Variants in ATP11A observed in about 807,000 individuals in gnomAD.
ATP11A encodes ATPase phospholipid transporting 11A.
Under a neutral mutation model 154.4 loss-of-function variants are expected in ATP11A, and 81 were observed. The observed-to-expected ratio is 0.52, with a 90% confidence interval of 0.44 to 0.63. The LOEUF is 0.63. Ranked by LOEUF, ATP11A falls within the 30% of genes least tolerant of loss-of-function variation. The pLI, the probability that ATP11A is intolerant of heterozygous loss-of-function variation, is 0.00. For missense variants in ATP11A, 1,316 were observed against 1,474.3 expected, an observed-to-expected ratio of 0.89 and a Z score of 1.76; for synonymous variants, 623 against 585.9, an observed-to-expected ratio of 1.06 and a Z score of -0.91.
chr13:112,716,126 G>T (rs1446449443), intron 1 of ATP11A, among the ~76,000 whole-genome samples: 2 of 152,140 alleles, frequency 1.3e-5, no homozygotes, highest in Admixed American at 6.5e-5. Context: ...TTCTGAGCCT[G>T]GTCCTCTGGC....
intron 1 of ATP11A, among the ~76,000 whole-genome samples, chr13:112,761,703 G>T (rs2076968322): frequency 6.6e-6 from 1 of 151,324 alleles, no homozygotes; most frequent in Admixed American, 6.6e-5. Flanking sequence ...TACTATCTCG[G>T]ATTCAGGAAT....
chr13:112,717,948 A>C (rs1056868926), intron 1 of ATP11A, among the ~76,000 whole-genome samples: 1 of 152,184 alleles, frequency 6.6e-6, no homozygotes, highest in Non-Finnish European at 1.5e-5. Flanking sequence ...GTGGTGGTGC[A>C]TGCCTGTAAT....
chr13:112,789,427 T>G (rs1050685007), intron 2 of ATP11A, among the ~76,000 whole-genome samples: 2 of 146,582 alleles, frequency 1.4e-5, no homozygotes, highest in African/African-American at 5.3e-5. Flanking sequence ...GGAGACCTAC[T>G]TAATTCACAC....
chr13:112,691,515 G>C (rs942106486), intron 1 of ATP11A, among the ~76,000 whole-genome samples: 6 of 145,110 alleles, frequency 4.1e-5, no homozygotes, highest in Non-Finnish European at 9.0e-5. Context: ...TGTAGGAGAG[G>C]AAGAAAACTG....
At position 112,716,100 on chromosome 13, in the gene ATP11A, C is replaced by T. The variant is rs377050552; in HGVS notation, c.39+25645C>T. ...TGGAGCTCATTCTCAGTGGAGTTCC[C>T]GGTGGCTGCTCCGTCTTCTGAGCCT... On this transcript the variant is annotated intron_variant, in intron 1 of 29. Coordinates refer to ENST00000375645, the MANE Select transcript of ATP11A (RefSeq NM_015205.3). Among the ~76,000 whole-genome samples the T allele has an allele frequency of 1.5e-4, 23 of 152,142 alleles. No homozygotes were observed. In the South Asian group the frequency reaches 2.5e-3, roughly 16 times the overall value.
chr13:112,775,026 G>T (rs1432225842), intron 1 of ATP11A, among the ~76,000 whole-genome samples: 1 of 152,284 alleles, frequency 6.6e-6, no homozygotes, highest in East Asian at 1.9e-4. Context: ...AGGCCAGCGG[G>T]CTGCAGCGTG....
Position 112,858,150 on chromosome 13 carries a change from A to G in ATP11A, c.2527A>G (p.Ile843Val), listed in dbSNP as rs545543949. 1.2e-6 allele frequency: 2 copies of G among 1,613,452 alleles called. No homozygotes were observed. Among genetic ancestry groups the G allele is most frequent in the African/African-American group, 1.3e-5 (1 of 75,054 alleles). ...CCTTCACCTCCGTCTTCTAGGTGTC[A>G]TCGGCAAGGAAGGCCGCCAGGCTGC... ...ILEAHVGIGV[I>V]GKEGRQAARN... The change falls in exon 22 of 30, where the codon ATC (isoleucine) becomes GTC (valine). Residue 843 changes from isoleucine (I) to valine (V), a missense_variant. This residue lies in a region of ATP11A where 876 missense variants were observed against 1,006.8 expected (regional missense o/e 0.87). Coordinates refer to ENST00000375645, the MANE Select transcript of ATP11A (RefSeq NM_015205.3).
chr13:112,696,595 T>G lies in ATP11A; in HGVS notation c.39+6140T>G, dbSNP rs1206375826. 1.3e-5 allele frequency among the ~76,000 whole-genome samples: 2 copies of G among 152,068 alleles called. No homozygotes were observed. The highest frequency in any genetic ancestry group is 4.8e-5 in the African/African-American group (2 of 41,434). ...ATTTCCCAGCGGTCACCGTGCTCAT[T>G]TTTGGCTTCCAGCTACCGTTTTTCT... On this transcript the variant is annotated intron_variant, in intron 1 of 29. Transcript: ENST00000375645. This position sits in a 1 kb window ranked among gnomAD's most constrained non-coding sequence, Gnocchi z 6.2.
chr13:112,823,092 C>T (rs1168198584), intron 8 of ATP11A, among the ~76,000 whole-genome samples: 7 of 152,208 alleles, frequency 4.6e-5, no homozygotes, highest in Non-Finnish European at 7.3e-5. Flanking sequence ...CCTGAGGTCC[C>T]GCATGCGCCA....
chr13:112,873,585 A>T lies in ATP11A; in HGVS notation c.3070A>T (p.Thr1024Ser). 1.2e-6 allele frequency: 2 copies of T among 1,603,972 alleles called. No homozygotes were observed. The highest frequency in any genetic ancestry group is 1.7e-6 in the Non-Finnish European group (2 of 1,177,274). ...TTTTTCCTTTTAGCTTGCATTGGAC[A>T]CACACTACTGGACTTGGATCAACCA... ...FTVTLKLALD[T>S]HYWTWINHFV... Residue 1024 changes from threonine (T) to serine (S), a missense_variant, in exon 27 of 30, where the codon ACA (threonine) becomes TCA (serine). Physicochemically the swap from Thr to Ser is moderately conservative, Grantham distance 58 (BLOSUM62 1). This residue lies in a region of ATP11A where 294 missense variants were observed against 290.2 expected (regional missense o/e 1.01). Transcript: ENST00000375645.
chr13:112,803,291 A>G (rs1405837222), intron 2 of ATP11A, among the ~76,000 whole-genome samples: 1 of 152,254 alleles, frequency 6.6e-6, no homozygotes, highest in Admixed American at 6.5e-5. Flanking sequence ...GGACCATACC[A>G]GGCTTTAGTT....
intron 17 of ATP11A, among the ~76,000 whole-genome samples, chr13:112,847,170 G>A (rs988097916): frequency 6.6e-6 from 1 of 152,190 alleles, no homozygotes; most frequent in East Asian, 1.9e-4. Context: ...GCACTTGCAG[G>A]GCCCCCTCGG....
chr13:112,771,491 AC>A (rs1225057545), intron 1 of ATP11A, among the ~76,000 whole-genome samples: 1 of 152,114 alleles, frequency 6.6e-6, no homozygotes, highest in African/African-American at 2.4e-5. Context: ...CTCTCTTCTT[AC>A]TTTGAGAATA....
At chr13:112,852,747 T>G (rs2079803050) in intron 18 of ATP11A, among the ~76,000 whole-genome samples, 1 of 133,374 alleles carries the variant, frequency 7.5e-6, no homozygotes. Flanking sequence ...TTGACTGGAA[T>G]GGGAATGTAG....
intron 1 of ATP11A, among the ~76,000 whole-genome samples, chr13:112,778,436 C>A (rs2139989520): frequency 6.6e-6 from 1 of 152,370 alleles, no homozygotes; most frequent in East Asian, 1.9e-4. Flanking sequence ...GCTAGAAATA[C>A]ATTCTAAGTT....
intron 1 of ATP11A, among the ~76,000 whole-genome samples, chr13:112,761,268 G>A (rs563698838): frequency 7.9e-4 from 120 of 152,296 alleles, no homozygotes; most frequent in African/African-American, 2.9e-3. Flanking sequence ...GCCAGAAGGT[G>A]CTCCTTTAAG....
At chr13:112,840,054 G>A (rs528340646) in intron 16 of ATP11A, among the ~76,000 whole-genome samples, 1 of 152,120 alleles carries the variant, frequency 6.6e-6, no homozygotes, top group East Asian at 1.9e-4. Context: ...CTGCAGTTCT[G>A]CAGAGATCCT....
intron 13 of ATP11A, 64 bp from the exon 14 acceptor site, chr13:112,832,796 T>G: frequency 3.9e-6 from 6 of 1,546,686 alleles, no homozygotes; most frequent in African/African-American, 1.4e-5. Flanking sequence ...TCTCTGCGCC[T>G]GTTTCCCTCT....
At chr13:112,760,283 C>A (rs1298063615) in intron 1 of ATP11A, among the ~76,000 whole-genome samples, 1 of 152,158 alleles carries the variant, frequency 6.6e-6, no homozygotes, top group Non-Finnish European at 1.5e-5. Flanking sequence ...TTCATGCTTC[C>A]CTTCGTCCAG....
Sources: allele counts gnomAD v4.1 joint callset (sites outside exome capture counted in the v4.1 genomes callset), GRCh38; gene constraint gnomAD v4.1.1; regional missense constraint gnomAD v4.1.1; non-coding constraint Gnocchi (gnomAD v3.1); transcripts MANE v1.5; gene names NCBI Gene and HGNC (gene_info 2026-07-23, HGNC 2026-07-21).